The following TMEM184A variants were observed in gnomAD, a reference collection of about 807,000 sequenced individuals.
TMEM184A encodes transmembrane protein 184A, also known as sexually dimorphic, expressed in male gonads 1.
In TMEM184A, 40 loss-of-function variants were observed where a neutral mutation model predicts 39.5. The ratio of observed to expected loss-of-function variants is 1.01; its 90% CI spans 0.79 to 1.32. The LOEUF (loss-of-function observed/expected upper bound fraction) is 1.32, where lower values mean the gene tolerates loss of function less well. Ranked by LOEUF, TMEM184A falls within the 40% of genes most tolerant of loss-of-function variation. The probability of loss-of-function intolerance (pLI) is 0.00; values close to 1 mark genes in which losing one functional copy is unlikely to be tolerated. For missense variants in TMEM184A, 603 were observed against 568.8 expected, an observed-to-expected ratio of 1.06 and a Z score of -0.61; for synonymous variants, 280 against 252.3, an observed-to-expected ratio of 1.11 and a Z score of -1.04.
At position 1,549,891 on chromosome 7, in the gene TMEM184A, G is replaced by A. The variant is rs1375089300; in HGVS notation, c.607C>T (p.Leu203Phe). ...TCGTGGTATTTGCCAAATGCCTGGA[G>A]GATGATGGTGGTGACGGCCATGACG... ...KPVMAVTTIILQAFGKYHDGD... is the reference protein window; with the variant it reads ...KPVMAVTTIIFQAFGKYHDGD... The change falls in exon 6 of 9, where the codon CTC becomes TTC. Residue 203 changes from leucine to phenylalanine, a missense_variant. By Grantham distance (22) the Leu-to-Phe change is conservative. Coordinates refer to ENST00000297477, the MANE Select transcript of TMEM184A (RefSeq NM_001097620.2). 4.3e-6 allele frequency: 7 copies of A among 1,611,892 alleles called. No homozygotes were observed. The highest frequency in any genetic ancestry group is 5.1e-6 in the Non-Finnish European group (6 of 1,179,156).
chr7:1,553,747 C>T (rs1035431730), intron 2 of TMEM184A, among the ~76,000 whole-genome samples: 5 of 152,136 alleles, frequency 3.3e-5, no homozygotes, highest in Non-Finnish European at 7.4e-5. Flanking sequence ...CTGGCGCTGC[C>T]TGGCTGGGTG....
In TMEM184A at chr7:1,543,667, C is replaced by A; in HGVS notation, c.*3285G>T. On this transcript the variant is annotated 3_prime_UTR_variant, in exon 9 of 9. Coordinates refer to ENST00000297477, the MANE Select transcript of TMEM184A (RefSeq NM_001097620.2). ...TTTTTGAGACAGTATCTTGCTTTGT[C>A]ACCCAAGCTGGAGTGCAGGGGCGTG... 6.6e-6 allele frequency: 1 copy of A among 152,632 alleles called. No homozygotes were observed. Among genetic ancestry groups the A allele is most frequent in the South Asian group, 2.0e-4 (1 of 4,986 alleles). The allele number at this position is 152,632 out of a possible 1,614,324, so 9.5% of individuals were successfully genotyped here.
In TMEM184A at chr7:1,546,945, G is replaced by A. The variant is rs762451400; in HGVS notation, c.*7C>T. The A allele has an allele frequency of 1.3e-4, 207 of 1,539,282 alleles. 3 individuals are homozygous for A. The South Asian group carries it at 2.4e-3, about 18-fold the overall frequency. On this transcript the variant is annotated 3_prime_UTR_variant, in exon 9 of 9. Transcript: ENST00000297477. ...GGGTCCCTACAGCACTGGCAGCCCA[G>A]GCCCCCCTACAGGTCCTCCGAGGGG...
intron 7 of TMEM184A, 73 bp from the exon 8 acceptor site, chr7:1,548,012 C>T: frequency 6.7e-7 from 1 of 1,483,392 alleles, no homozygotes; most frequent in Admixed American, 2.0e-5. Flanking sequence ...CCAGACCCCG[C>T]AGCGGCTCCT....
At chr7:1,554,513 A>C in intron 2 of TMEM184A, among the ~76,000 whole-genome samples, 1 of 151,108 alleles carries the variant, frequency 6.6e-6, no homozygotes, top group Non-Finnish European at 1.5e-5. Context: ...CTACACACGC[A>C]CTCCCACCCC....
chr7:1,543,973 T>C lies in TMEM184A; in HGVS notation c.*2979A>G, dbSNP rs1185267249. 3.9e-5 allele frequency: 6 copies of C among 152,292 alleles called. No individual in the cohort carries two copies. Among genetic ancestry groups the C allele is most frequent in the Non-Finnish European group, 7.3e-5 (5 of 68,102 alleles). The allele number at this position is 152,292 out of a possible 1,614,324, so 9.4% of individuals were successfully genotyped here. A position where few individuals can be genotyped will look rare whatever the true frequency, so the allele number is the denominator to read the frequency against. On this transcript the variant is annotated 3_prime_UTR_variant, in exon 9 of 9. Coordinates refer to ENST00000297477, the MANE Select transcript of TMEM184A (RefSeq NM_001097620.2). ...AGCATCTGTGTGGCCTGGGGCCAGT[T>C]CCCTCCTTCCCAGCCTTGCTTCCTG...
At chr7:1,551,797 C>T (rs1784610909) in intron 2 of TMEM184A, among the ~76,000 whole-genome samples, 1 of 152,070 alleles carries the variant, frequency 6.6e-6, no homozygotes, top group African/African-American at 2.4e-5. Flanking sequence ...ATTAGCCAGG[C>T]ATGGTGGCGC....
At chr7:1,550,702 G>A (rs926393361) in intron 3 of TMEM184A, 115 bp downstream of exon 3, 47 of 1,348,106 alleles carry the variant, frequency 3.5e-5, no homozygotes, top group Non-Finnish European at 4.4e-5. Context: ...CAGCCCCTCT[G>A]ACGGGCCGGG....
intron 6 of TMEM184A, chr7:1,549,366 T>TGAGCTGTGTGGACCTTCGCAGGGGTCCG (rs1554287980): frequency 8.2e-6 from 2 of 244,564 alleles, no homozygotes; most frequent in Non-Finnish European, 1.5e-5. Context: ...GCAGGGGTCC[T>TGAGCTGTGTGGACCTTCGCAGGGGTCCG]CCTTGTGCTG....
chr7:1,553,449 G>A (rs928478964), intron 2 of TMEM184A, among the ~76,000 whole-genome samples: 2 of 152,174 alleles, frequency 1.3e-5, no homozygotes, highest in Non-Finnish European at 2.9e-5. Flanking sequence ...CACCACGCCT[G>A]ACCGATTTTC....
In TMEM184A at chr7:1,551,023, G is replaced by A. The variant is rs751922293; in HGVS notation, c.220-41C>T. 90 of 1,558,876 alleles carry A rather than the reference G, an allele frequency of 5.8e-5. No individual in the cohort carries two copies. In the East Asian group the frequency reaches 2.1e-3, roughly 37 times the overall value. On this transcript the variant is annotated intron_variant, in intron 2 of 8. Coordinates refer to ENST00000297477, the MANE Select transcript of TMEM184A (RefSeq NM_001097620.2). ...GTCGCATGAGAGCCGGGCCCGCCTG[G>A]TACCCCTGGACCAGCCCAGGTGAGC...
Position 1,547,627 on chromosome 7 carries a change from G to A in TMEM184A, c.1012+115C>T, listed in dbSNP as rs115635899. On this transcript the variant is annotated intron_variant, in intron 8 of 8. Transcript: ENST00000297477. ...GTCCGGAGCCGGATGCCCTTTGCCCGTCTCCCTGCCCAGCGAGCTGGCATT... is the reference window on the plus strand; with the variant it reads ...GTCCGGAGCCGGATGCCCTTTGCCCATCTCCCTGCCCAGCGAGCTGGCATT... 1.7e-3 allele frequency: 2,000 copies of A among 1,168,408 alleles called. 22 individuals are homozygous for A. In the African/African-American group the frequency reaches 0.024, roughly 14 times the overall value. The allele number at this position is 1,168,408 out of a possible 1,614,324, so 72.4% of individuals were successfully genotyped here. A position where few individuals can be genotyped will look rare whatever the true frequency, so the allele number is the denominator to read the frequency against.
intron 2 of TMEM184A, among the ~76,000 whole-genome samples, chr7:1,554,237 G>A (rs1778458529): frequency 6.6e-6 from 1 of 152,124 alleles, no homozygotes; most frequent in South Asian, 2.1e-4. Flanking sequence ...CGGCTAATAA[G>A]CAGTTAATAA....
chr7:1,553,018 G>C (rs369964397), intron 2 of TMEM184A, among the ~76,000 whole-genome samples: 1 of 152,020 alleles, frequency 6.6e-6, no homozygotes, highest in Admixed American at 6.6e-5. Flanking sequence ...TTGTGCCACC[G>C]GACTGCAGCC....
intron 3 of TMEM184A, 86 bp downstream of exon 3, chr7:1,550,731 G>A: frequency 6.6e-7 from 1 of 1,518,670 alleles, no homozygotes; most frequent in South Asian, 1.2e-5. Context: ...GTGCCCTGGG[G>A]ACTGGCCATG....
At chr7:1,547,605 C>A (rs116341605) in intron 8 of TMEM184A, 137 bp downstream of exon 8, 3 of 916,094 alleles carry the variant, frequency 3.3e-6, no homozygotes, top group Non-Finnish European at 5.1e-6. Context: ...GGTGCCTGTC[C>A]GGAGCCGGAT....
intron 7 of TMEM184A, 64 bp downstream of exon 7, chr7:1,548,455 C>G: frequency 6.5e-7 from 1 of 1,543,500 alleles, no homozygotes; most frequent in Non-Finnish European, 8.8e-7. Flanking sequence ...TGTGAGGTGA[C>G]CCCAGGCTCA....
At chr7:1,550,482 C>T in intron 3 of TMEM184A, 87 bp from the exon 4 acceptor site, 1 of 1,143,376 alleles carries the variant, frequency 8.7e-7, no homozygotes. Flanking sequence ...CAGGAGGAGG[C>T]TCGGGAGGGG....
rs918204029 is a variant in TMEM184A, at chr7:1,547,573, C to T, written c.1012+169G>A. On this transcript the variant is annotated intron_variant, in intron 8 of 8. Coordinates refer to ENST00000297477, the MANE Select transcript of TMEM184A (RefSeq NM_001097620.2). ...CCCCATCACCATTGGGGTCCGGGACCGCCTGGACCCCACACAGCCCAGGTG... is the reference window on the plus strand; with the variant it reads ...CCCCATCACCATTGGGGTCCGGGACTGCCTGGACCCCACACAGCCCAGGTG... Among the ~76,000 whole-genome samples the T allele has an allele frequency of 2.0e-5, 3 of 152,102 alleles. No individual in the cohort carries two copies. In the South Asian group the frequency reaches 6.2e-4, roughly 31 times the overall value.
Sources: gnomAD v4.1 joint callset for allele counts (sites outside exome capture counted in the v4.1 genomes callset) on GRCh38, gnomAD v4.1.1 for gene constraint, MANE v1.5 for transcripts, NCBI Gene and HGNC (gene_info 2026-07-23, HGNC 2026-07-21) for gene names.